MGMT: variants seen among roughly 807,000 people sequenced by gnomAD.
MGMT encodes the protein methylated-DNA--protein-cysteine methyltransferase.
In MGMT, 14 loss-of-function variants were observed where a neutral mutation model predicts 15.9. That is an observed-to-expected ratio of 0.88 (90% CI 0.58 to 1.37). MGMT has a LOEUF of 1.37. Ranked by LOEUF, MGMT falls within the 40% of genes most tolerant of loss-of-function variation. MGMT has a pLI of 0.00. For missense variants in MGMT, 282 were observed against 268.1 expected, an observed-to-expected ratio of 1.05 and a Z score of -0.36; for synonymous variants, 130 against 118.2, an observed-to-expected ratio of 1.10 and a Z score of -0.65.
intron 2 of MGMT, among the ~76,000 whole-genome samples, chr10:129,638,018 C>T (rs1589907719): frequency 6.6e-6 from 1 of 152,204 alleles, no homozygotes; most frequent in Non-Finnish European, 1.5e-5. Flanking sequence ...CTGCAGTGCT[C>T]AGTCTGGTCT....
intron 3 of MGMT, among the ~76,000 whole-genome samples, chr10:129,711,447 T>C (rs1422776541): frequency 6.6e-6 from 1 of 152,102 alleles, no homozygotes; most frequent in African/African-American, 2.4e-5. Context: ...GGCTGCCTCA[T>C]TGTGAGGTTG....
chr10:129,705,932 T>G (rs11815846), intron 2 of MGMT, among the ~76,000 whole-genome samples: 1 of 151,944 alleles, frequency 6.6e-6, no homozygotes, highest in African/African-American at 2.4e-5. Context: ...GCAGACAGGC[T>G]GAATCCGCAC....
chr10:129,617,470 G>T (rs1847040854), intron 2 of MGMT, among the ~76,000 whole-genome samples: 1 of 152,150 alleles, frequency 6.6e-6, no homozygotes, highest in Non-Finnish European at 1.5e-5. Flanking sequence ...GGATTGAACA[G>T]TAATTGTGTT....
At chr10:129,617,626 C>G (rs143001178) in intron 2 of MGMT, among the ~76,000 whole-genome samples, 1 of 152,246 alleles carries the variant, frequency 6.6e-6, no homozygotes, top group East Asian at 1.9e-4. Flanking sequence ...ACCATTCTGA[C>G]TAGTGTGAGA....
At chr10:129,624,212 G>A (rs957549586) in intron 2 of MGMT, among the ~76,000 whole-genome samples, 8 of 152,210 alleles carry the variant, frequency 5.3e-5, no homozygotes, top group African/African-American at 1.9e-4. Flanking sequence ...TTTGTGGACT[G>A]TGCCCAGGGT....
intron 1 of MGMT, among the ~76,000 whole-genome samples, chr10:129,514,617 C>T (rs755731598): frequency 2.6e-5 from 4 of 152,140 alleles, no homozygotes; most frequent in South Asian, 2.1e-4. Flanking sequence ...GTTGAAACCT[C>T]GCCCGTAAGT....
At chr10:129,698,248 C>T (rs1010356039) in intron 2 of MGMT, among the ~76,000 whole-genome samples, 7 of 152,144 alleles carry the variant, frequency 4.6e-5, no homozygotes, top group Non-Finnish European at 8.8e-5. Context: ...GGGCTGTGTG[C>T]GTCATAGCGT....
chr10:129,626,301 G>A (rs1489528034), intron 2 of MGMT, among the ~76,000 whole-genome samples: 2 of 152,268 alleles, frequency 1.3e-5, no homozygotes, highest in South Asian at 2.1e-4. Context: ...CATCCCACCC[G>A]CATTTTGGGT....
At chr10:129,513,166 T>C (rs1845702852) in intron 1 of MGMT, among the ~76,000 whole-genome samples, 1 of 152,082 alleles carries the variant, frequency 6.6e-6, no homozygotes, top group African/African-American at 2.4e-5. Flanking sequence ...ACAAGTACTA[T>C]ATGGGTCCAC....
intron 2 of MGMT, among the ~76,000 whole-genome samples, chr10:129,597,497 C>T (rs1319338596): frequency 6.6e-6 from 1 of 152,068 alleles, no homozygotes; most frequent in Non-Finnish European, 1.5e-5. Flanking sequence ...AAAAAAAAGA[C>T]AAGCATCATT....
intron 2 of MGMT, among the ~76,000 whole-genome samples, chr10:129,615,871 G>C (rs1847019588): frequency 6.6e-6 from 1 of 152,148 alleles, no homozygotes; most frequent in Non-Finnish European, 1.5e-5. Flanking sequence ...CACGGCAGGG[G>C]GTGTGGCAGT....
chr10:129,556,176 A>C lies in MGMT; in HGVS notation c.125+19799A>C, dbSNP rs1041231566. On this transcript the variant is annotated intron_variant, in intron 2 of 4. Transcript: ENST00000651593. This position sits in a 1 kb window ranked among gnomAD's most constrained non-coding sequence, Gnocchi z 4.3. The stretch of plus-strand genomic sequence containing the variant: ...CCTCCGCGTCTCACAGAGACCAAGC[A>C]GTGCTTTCGGGATCGCTCTGTTGGT... 2.0e-5 allele frequency among the ~76,000 whole-genome samples: 3 copies of C among 152,208 alleles called. No homozygotes were observed. Among genetic ancestry groups the C allele is most frequent in the African/African-American group, 7.2e-5 (3 of 41,456 alleles).
At chr10:129,700,695 C>A (rs1360124611) in intron 2 of MGMT, 1 of 152,182 alleles carries the variant, frequency 6.6e-6, no homozygotes, top group East Asian at 1.9e-4. Context: ...TATTCAGCCT[C>A]CTGTTTAAAA....
intron 2 of MGMT, among the ~76,000 whole-genome samples, chr10:129,676,455 C>T (rs1847787179): frequency 6.6e-6 from 1 of 152,150 alleles, no homozygotes; most frequent in African/African-American, 2.4e-5. Context: ...CAGTGTTCTT[C>T]TGTGAAGAGG....
At chr10:129,625,736 CGT>C (rs55919642) in intron 2 of MGMT, among the ~76,000 whole-genome samples, 71,495 of 151,894 alleles carry the variant, frequency 0.47, 17,510 homozygotes, top group East Asian at 0.63. Context: ...CGTGTGTGTG[CGT>C]GTGTGTGCAT....
Position 129,558,112 on chromosome 10 carries a change from C to G in MGMT, c.125+21735C>G, listed in dbSNP as rs556627970. On this transcript the variant is annotated intron_variant, in intron 2 of 4. Transcript: ENST00000651593. Reference sequence around the variant, plus strand: ...AGAGCCCGCACAGGCCCCCTGTGCGCCCGGGGTCAGGTGTGGATGGGGTCG... The same window carrying G: ...AGAGCCCGCACAGGCCCCCTGTGCGGCCGGGGTCAGGTGTGGATGGGGTCG... 5.3e-5 allele frequency among the ~76,000 whole-genome samples: 8 copies of G among 152,258 alleles called. No individual in the cohort carries two copies. In the South Asian group the frequency reaches 6.2e-4, roughly 12 times the overall value.
chr10:129,581,097 A>G (rs1169173497), intron 2 of MGMT, among the ~76,000 whole-genome samples: 1 of 152,216 alleles, frequency 6.6e-6, no homozygotes, highest in Non-Finnish European at 1.5e-5. Flanking sequence ...AAGAAAGGGG[A>G]AACAGCTGCG....
chr10:129,619,359 T>C (rs1042498854), intron 2 of MGMT, among the ~76,000 whole-genome samples: 1 of 152,232 alleles, frequency 6.6e-6, no homozygotes, highest in African/African-American at 2.4e-5. Context: ...ATGTGTATAA[T>C]TCCAGCATTA....
intron 2 of MGMT, among the ~76,000 whole-genome samples, chr10:129,578,270 C>G (rs968296146): frequency 6.6e-6 from 1 of 152,140 alleles, no homozygotes; most frequent in Admixed American, 6.5e-5. Flanking sequence ...ATAGCAAAAA[C>G]TCGGAACCAA....
Sources: gnomAD v4.1 joint callset for allele counts (sites outside exome capture counted in the v4.1 genomes callset) on GRCh38, gnomAD v4.1.1 for gene constraint, Gnocchi (gnomAD v3.1) non-coding constraint, MANE v1.5 for transcripts, NCBI Gene and HGNC (gene_info 2026-07-23, HGNC 2026-07-21) for gene names.